Variants in LRP1B observed in about 807,000 individuals in gnomAD.
LRP1B encodes the protein LDL receptor related protein 1B, also known as low-density lipoprotein receptor-related protein 1B.
LRP1B carries 217 observed loss-of-function variants against 556.6 expected under a neutral mutation model. The observed-to-expected ratio is 0.39, with a 90% CI of 0.35 to 0.44. LRP1B has a LOEUF of 0.44. Ranked by LOEUF, LRP1B falls within the 20% of genes least tolerant of loss-of-function variation. The pLI is 1.00. For missense variants in LRP1B, 5,053 were observed against 5,620.8 expected, an observed-to-expected ratio of 0.90 and a Z score of 3.23; for synonymous variants, 2,047 against 1,865.8, an observed-to-expected ratio of 1.10 and a Z score of -2.50.
At chr2:142,089,951 A>G (rs953827627) in intron 1 of LRP1B, among the ~76,000 whole-genome samples, 2 of 152,172 alleles carry the variant, frequency 1.3e-5, no homozygotes, top group Non-Finnish European at 2.9e-5. Context: ...TTGATTGCAT[A>G]TCACATGAGT....
rs532685443 is a variant in LRP1B, at chr2:140,509,277, T to C, written c.8398+651A>G. ...TGTGACCTTGGGATCTGCATTCAAA[T>C]ATTCAGTCCCTTTATCCTCCTGATC... On this transcript the variant is annotated intron_variant, in intron 52 of 90. Transcript: ENST00000389484. Among the ~76,000 whole-genome samples, 20 of 152,284 alleles carry C rather than the reference T, an allele frequency of 1.3e-4. No homozygotes were observed. In the East Asian group the frequency reaches 3.7e-3, roughly 28 times the overall value.
At chr2:140,560,504 T>A (rs1430534546) in intron 43 of LRP1B, among the ~76,000 whole-genome samples, 2 of 152,164 alleles carry the variant, frequency 1.3e-5, no homozygotes, top group African/African-American at 4.8e-5. Context: ...AACATTATTT[T>A]AAAAATTAAA....
intron 3 of LRP1B, among the ~76,000 whole-genome samples, chr2:141,475,004 A>T (rs1323412900): frequency 1.3e-5 from 2 of 152,166 alleles, no homozygotes; most frequent in African/African-American, 4.8e-5. Context: ...TGACCTCTGA[A>T]CTTTCTATAT....
At chr2:140,284,549 C>G (rs910710511) in intron 84 of LRP1B, among the ~76,000 whole-genome samples, 1 of 151,618 alleles carries the variant, frequency 6.6e-6, no homozygotes, top group Non-Finnish European at 1.5e-5. Flanking sequence ...CTTATACACA[C>G]CCATACAGTT....
chr2:141,366,983 G>A (rs530240632), intron 3 of LRP1B, among the ~76,000 whole-genome samples: 2 of 152,302 alleles, frequency 1.3e-5, no homozygotes, highest in East Asian at 3.9e-4. Context: ...GAGTTCTAAA[G>A]GTAACAGTAG....
chr2:141,257,666 A>G (rs182830325), intron 3 of LRP1B, among the ~76,000 whole-genome samples: 1 of 152,330 alleles, frequency 6.6e-6, no homozygotes, highest in East Asian at 1.9e-4. Context: ...AGTTTATTAG[A>G]CTTATCCTGC....
chr2:141,453,250 A>T (rs1178273848), intron 3 of LRP1B, among the ~76,000 whole-genome samples: 1 of 152,124 alleles, frequency 6.6e-6, no homozygotes, highest in Non-Finnish European at 1.5e-5. Context: ...ATAAAAAAAA[A>T]TACACAAAAT....
intron 6 of LRP1B, among the ~76,000 whole-genome samples, chr2:141,201,183 A>G (rs1681999238): frequency 6.6e-6 from 1 of 152,202 alleles, no homozygotes; most frequent in African/African-American, 2.4e-5. Flanking sequence ...ACACCATAAC[A>G]CGGTGCGAAA....
chr2:140,253,461 A>G lies in LRP1B; in HGVS notation c.13248-6299T>C, dbSNP rs564894247. Among the ~76,000 whole-genome samples, 7 of 152,234 alleles carry G rather than the reference A, an allele frequency of 4.6e-5. No homozygotes were observed. The South Asian group carries it at 1.4e-3, about 32-fold the overall frequency. On this transcript the variant is annotated intron_variant, in intron 86 of 90. Coordinates refer to ENST00000389484, the MANE Select transcript of LRP1B (RefSeq NM_018557.3). ...TTTTTAAGAATGGAGGAGAAACATA[A>G]AAGAAGATAAAATTTAGTTTACCAA...
intron 1 of LRP1B, among the ~76,000 whole-genome samples, chr2:142,123,617 T>C (rs1272211012): frequency 6.6e-6 from 1 of 151,810 alleles, no homozygotes; most frequent in African/African-American, 2.4e-5. Flanking sequence ...GTAATGTCGG[T>C]ATCTTAGCAA....
chr2:140,901,970 C>G (rs1035796365), intron 23 of LRP1B, among the ~76,000 whole-genome samples: 17 of 151,900 alleles, frequency 1.1e-4, no homozygotes, highest in African/African-American at 4.1e-4. Context: ...GGTTTCCAAG[C>G]CTGAACATGT....
intron 7 of LRP1B, among the ~76,000 whole-genome samples, chr2:141,072,097 C>T (rs987618210): frequency 6.6e-6 from 1 of 152,080 alleles, no homozygotes; most frequent in African/African-American, 2.4e-5. Context: ...ACAAACCAAC[C>T]TCCCCTCTTC....
At chr2:140,320,140 T>C (rs1331070854) in intron 82 of LRP1B, among the ~76,000 whole-genome samples, 1 of 152,184 alleles carries the variant, frequency 6.6e-6, no homozygotes, top group East Asian at 1.9e-4. Flanking sequence ...TCATATCCTA[T>C]AGGAAATTCT....
chr2:140,961,906 G>T (rs749631758), intron 18 of LRP1B, among the ~76,000 whole-genome samples: 1 of 152,098 alleles, frequency 6.6e-6, no homozygotes, highest in Non-Finnish European at 1.5e-5. Flanking sequence ...TAATAACCAG[G>T]AAACTTGGCT....
chr2:141,456,406 C>A (rs1681630050), intron 3 of LRP1B, among the ~76,000 whole-genome samples: 1 of 152,152 alleles, frequency 6.6e-6, no homozygotes, highest in Non-Finnish European at 1.5e-5. Context: ...TATATCACAT[C>A]ATACTATTTC....
chr2:140,389,131 T>TATTTA (rs5834742), intron 66 of LRP1B, among the ~76,000 whole-genome samples: 1 of 151,908 alleles, frequency 6.6e-6, no homozygotes, highest in East Asian at 1.9e-4. Context: ...AAAACAAATA[T>TATTTA]GGAACTTGCT....
intron 2 of LRP1B, among the ~76,000 whole-genome samples, chr2:141,632,810 C>A (rs1170391374): frequency 6.9e-6 from 1 of 144,116 alleles, no homozygotes; most frequent in Non-Finnish European, 1.5e-5. Context: ...TAGTCTGAAT[C>A]ATGAAATATT....
chr2:140,989,596 T>A lies in LRP1B; in HGVS notation c.2706A>T (p.Arg902Ser). 1 of 1,613,246 alleles carries A rather than the reference T, an allele frequency of 6.2e-7. No homozygotes were observed. Among genetic ancestry groups the A allele is most frequent in the Non-Finnish European group, 8.5e-7 (1 of 1,179,460 alleles). Residue 902 changes from arginine to serine, a missense_variant, in exon 17 of 91, where the codon AGA becomes AGT. By Grantham distance (110) the Arg-to-Ser change is moderately radical. This residue lies in a region of LRP1B where 3,619 missense variants were observed against 3,931.9 expected (regional missense o/e 0.92). Coordinates refer to ENST00000389484, the MANE Select transcript of LRP1B (RefSeq NM_018557.3). ...KCQNNRCIPKRWLCDGANDCG... is the reference protein window; with the variant it reads ...KCQNNRCIPKSWLCDGANDCG... ...AGTCATTAGCTCCATCACAAAGCCA[T>A]CTCTTGGGGATGCAGCGATTATTCT...
intron 66 of LRP1B, among the ~76,000 whole-genome samples, chr2:140,411,937 T>C (rs1684984417): frequency 6.6e-6 from 1 of 152,088 alleles, no homozygotes; most frequent in African/African-American, 2.4e-5. Flanking sequence ...ACTTCTCAGG[T>C]ATCAGAATTT....
Sources: gnomAD v4.1 joint callset for allele counts (sites outside exome capture counted in the v4.1 genomes callset) on GRCh38, gnomAD v4.1.1 for gene constraint, gnomAD v4.1.1 regional missense constraint, MANE v1.5 for transcripts, NCBI Gene and HGNC (gene_info 2026-07-23, HGNC 2026-07-21) for gene names.